Variants in STK39 observed in about 807,000 individuals in gnomAD.
STK39 encodes serine/threonine kinase 39.
STK39 carries 20 observed loss-of-function variants against 77.8 expected under a neutral mutation model. That is an observed-to-expected ratio of 0.26 (90% CI 0.18 to 0.37). STK39 has a LOEUF of 0.37. Ranked by LOEUF, STK39 falls within the 10% of genes least tolerant of loss-of-function variation. The probability of loss-of-function intolerance (pLI) is 1.00; values close to 1 mark genes in which losing one functional copy is unlikely to be tolerated. For synonymous variants in STK39, 246 were observed against 234.1 expected (o/e 1.05, Z -0.47); for missense variants, 479 against 656.5 (o/e 0.73, Z 2.95).
intron 16 of STK39, among the ~76,000 whole-genome samples, chr2:167,976,256 G>GA (rs1574359275): frequency 6.6e-6 from 1 of 152,266 alleles, no homozygotes; most frequent in Admixed American, 6.5e-5. Flanking sequence ...TGGATAGTGA[G>GA]AAAAAACAGT....
At chr2:167,996,583 C>T (rs967026820) in intron 16 of STK39, among the ~76,000 whole-genome samples, 2 of 152,124 alleles carry the variant, frequency 1.3e-5, no homozygotes, top group African/African-American at 4.8e-5. Flanking sequence ...TCACCTAATT[C>T]GGTGGGTCAA....
At position 168,138,157 on chromosome 2, in the gene STK39, A is replaced by G. The variant is rs775815629; in HGVS notation, c.905T>C (p.Met302Thr). Residue 302 changes from methionine (M) to threonine (T), a missense_variant, in exon 8 of 18, where the codon ATG (methionine) becomes ACG (threonine). Around this residue, in one of 3 missense-constraint regions of STK39, gnomAD observed 244 missense variants for 296.8 expected, o/e 0.82. Coordinates refer to ENST00000355999, the MANE Select transcript of STK39 (RefSeq NM_013233.3). ...AAAGGACTTGCCGTACTTTTTCATC[A>G]TTTCTTTATCCTCTACCCCTGTTTC... is the stretch of plus-strand genomic sequence containing the variant. ...TLETGVEDKE[M>T]MKKYGKSFRK... 2 of 1,613,912 alleles carry G rather than the reference A, an allele frequency of 1.2e-6. No homozygotes were observed. The highest frequency in any genetic ancestry group is 1.1e-5 in the South Asian group (1 of 91,076).
chr2:168,226,518 A>C (rs1192679001), intron 1 of STK39, among the ~76,000 whole-genome samples: 3 of 152,224 alleles, frequency 2.0e-5, no homozygotes, highest in African/African-American at 7.2e-5. Context: ...CATACAAATA[A>C]ACTTCATCAC....
chr2:168,211,283 T>C (rs1689884085), intron 1 of STK39, among the ~76,000 whole-genome samples: 1 of 152,238 alleles, frequency 6.6e-6, no homozygotes, highest in Non-Finnish European at 1.5e-5. Flanking sequence ...ATTGCTCAAC[T>C]TCCCTGCTCC....
intron 2 of STK39, among the ~76,000 whole-genome samples, 193 bp downstream of exon 2, chr2:168,181,785 G>A (rs910415647): frequency 2.6e-5 from 4 of 152,190 alleles, no homozygotes; most frequent in African/African-American, 9.7e-5. Flanking sequence ...CAAAGCAAGG[G>A]AAGGTGTTCA....
chr2:168,061,977 C>T (rs1003495519), intron 14 of STK39, among the ~76,000 whole-genome samples: 1 of 152,114 alleles, frequency 6.6e-6, no homozygotes, highest in Non-Finnish European at 1.5e-5. Flanking sequence ...TCGGTTTAAT[C>T]TTCAGGAGGA....
At chr2:168,088,869 A>C (rs1378772407) in intron 10 of STK39, among the ~76,000 whole-genome samples, 1 of 152,200 alleles carries the variant, frequency 6.6e-6, no homozygotes, top group Non-Finnish European at 1.5e-5. Flanking sequence ...TCACTAAACT[A>C]ACTTAGAAAT....
At chr2:168,241,784 G>A (rs1690765202) in intron 1 of STK39, among the ~76,000 whole-genome samples, 1 of 152,258 alleles carries the variant, frequency 6.6e-6, no homozygotes, top group African/African-American at 2.4e-5. Flanking sequence ...CTAATTGAAA[G>A]CATGCTGTGT....
intron 10 of STK39, among the ~76,000 whole-genome samples, chr2:168,099,744 C>T (rs1467622594): frequency 2.0e-5 from 3 of 152,308 alleles, no homozygotes; most frequent in East Asian, 3.9e-4. Flanking sequence ...AGAATTTCTT[C>T]ATGTCACAAT....
chr2:168,228,469 T>TA (rs1690363898), intron 1 of STK39, among the ~76,000 whole-genome samples: 1 of 152,200 alleles, frequency 6.6e-6, no homozygotes, highest in African/African-American at 2.4e-5. Context: ...ACAATGACCT[T>TA]ATATTATTGT....
At chr2:167,963,529 A>G (rs1692058915) in intron 17 of STK39, among the ~76,000 whole-genome samples, 1 of 150,730 alleles carries the variant, frequency 6.6e-6, no homozygotes, top group South Asian at 2.1e-4. Context: ...ACATTAAAAA[A>G]AAAAAAAACA....
intron 14 of STK39, among the ~76,000 whole-genome samples, chr2:168,054,012 C>A (rs1465050254): frequency 6.6e-6 from 1 of 152,196 alleles, no homozygotes; most frequent in Non-Finnish European, 1.5e-5. Context: ...TATTAAAACA[C>A]GATAAATGCC....
intron 4 of STK39, among the ~76,000 whole-genome samples, chr2:168,163,271 A>G (rs377709332): frequency 8.9e-4 from 135 of 152,316 alleles, no homozygotes; most frequent in African/African-American, 3.2e-3. Context: ...TCACCACCAC[A>G]TCAAAAATAA....
chr2:168,186,548 AAAG>A (rs1351619289), intron 1 of STK39, among the ~76,000 whole-genome samples: 2 of 152,218 alleles, frequency 1.3e-5, no homozygotes, highest in African/African-American at 2.4e-5. Context: ...GGAGCCTTGA[AAAG>A]AAGGTTAGAC....
At chr2:168,148,899 T>A (rs546495192) in intron 5 of STK39, among the ~76,000 whole-genome samples, 1 of 152,142 alleles carries the variant, frequency 6.6e-6, no homozygotes, top group Admixed American at 6.5e-5. Context: ...CAGGCCTGAA[T>A]GTTAAGTCCC....
At chr2:168,030,710 C>T (rs900222914) in intron 14 of STK39, among the ~76,000 whole-genome samples, 2 of 152,208 alleles carry the variant, frequency 1.3e-5, no homozygotes, top group Non-Finnish European at 2.9e-5. Flanking sequence ...CCCTTTTGAT[C>T]CACTTCAGGT....
chr2:168,079,300 C>A (rs143103749), intron 10 of STK39, among the ~76,000 whole-genome samples: 1 of 152,106 alleles, frequency 6.6e-6, no homozygotes, highest in African/African-American at 2.4e-5. Flanking sequence ...AGCCCCCTCC[C>A]GGCTCTACTC....
intron 10 of STK39, among the ~76,000 whole-genome samples, chr2:168,093,240 C>A (rs913065654): frequency 6.6e-6 from 1 of 152,186 alleles, no homozygotes; most frequent in Non-Finnish European, 1.5e-5. Context: ...AAGACCTAAG[C>A]TGTACTAGTC....
chr2:167,965,317 G>C (rs957754903), intron 16 of STK39, among the ~76,000 whole-genome samples: 3 of 152,198 alleles, frequency 2.0e-5, no homozygotes, highest in Non-Finnish European at 4.4e-5. Context: ...AACCAGGGAA[G>C]TGCCACCTTG....
Sources: allele counts gnomAD v4.1 joint callset (sites outside exome capture counted in the v4.1 genomes callset), GRCh38; gene constraint gnomAD v4.1.1; regional missense constraint gnomAD v4.1.1; transcripts MANE v1.5; gene names NCBI Gene and HGNC (gene_info 2026-07-23, HGNC 2026-07-21).